IKBKB: variants seen among roughly 807,000 people sequenced by gnomAD.
IKBKB encodes inhibitor of nuclear factor kappa-B kinase subunit beta.
A neutral mutation model predicts 113.6 loss-of-function variants in IKBKB; 42 were observed. The observed-to-expected ratio is 0.37, with a 90% CI of 0.29 to 0.48. The LOEUF (loss-of-function observed/expected upper bound fraction) is 0.48. IKBKB is among the 20% of genes least tolerant of loss of function. The pLI, the probability that IKBKB is intolerant of heterozygous loss-of-function variation, is 0.99. For missense variants in IKBKB, 673 were observed against 939.7 expected, an observed-to-expected ratio of 0.72 and a Z score of 3.71; for synonymous variants, 296 against 361.3, an observed-to-expected ratio of 0.82 and a Z score of 2.05.
At chr8:42,324,340 C>T (rs910401666) in intron 19 of IKBKB, among the ~76,000 whole-genome samples, 12 of 152,196 alleles carry the variant, frequency 7.9e-5, no homozygotes, top group Non-Finnish European at 1.2e-4. Flanking sequence ...TCTCAGTTCA[C>T]TGCAACCTCC....
At chr8:42,317,857 G>C in intron 12 of IKBKB, 86 bp downstream of exon 12, 2 of 945,272 alleles carry the variant, frequency 2.1e-6, no homozygotes, top group Non-Finnish European at 3.4e-6. Context: ...ACTAAGGAAG[G>C]GGGAGCCACG....
At position 42,318,637 on chromosome 8, in the gene IKBKB, A is replaced by G; in HGVS notation, c.1326A>G (p.Glu442=). 6.2e-7 allele frequency: 1 copy of G among 1,613,728 alleles called. No individual in the cohort carries two copies. The highest frequency in any genetic ancestry group is 8.5e-7 in the Non-Finnish European group (1 of 1,179,658). Residue 442 remains glutamate, a synonymous_variant, in exon 13 of 22, where the codon GAA becomes GAG. Coordinates refer to ENST00000520810, the MANE Select transcript of IKBKB (RefSeq NM_001556.3). ...GGCACAGCATCCAGACCCTGAAGGA[A>G]GATTGCAACCGGCTGCAGCAGGGAC... The part of the protein sequence containing the change: ...QVWHSIQTLK[E]DCNRLQQGQR...
intron 19 of IKBKB, among the ~76,000 whole-genome samples, chr8:42,324,126 G>C (rs935869379): frequency 4.6e-5 from 7 of 152,230 alleles, no homozygotes; most frequent in Non-Finnish European, 5.9e-5. Context: ...TTCCAGGACA[G>C]AGACACTGCT....
At position 42,271,417 on chromosome 8, in the gene IKBKB, C is replaced by A; in HGVS notation, c.-71C>A. On this transcript the variant is annotated 5_prime_UTR_variant, in exon 1 of 22. Transcript: ENST00000520810. ...AGCCCCGGGTTTGGCCGCCCCAGCC[C>A]CGCCTTCCCCGCCCCGGGGAGCCCG... 1 of 1,503,476 alleles carries A rather than the reference C, an allele frequency of 6.7e-7. No homozygotes were observed. The highest frequency in any genetic ancestry group is 8.9e-7 in the Non-Finnish European group (1 of 1,121,342). The allele number at this position is 1,503,476 out of a possible 1,614,324, so 93.1% of individuals were successfully genotyped here.
intron 4 of IKBKB, among the ~76,000 whole-genome samples, chr8:42,292,322 C>T (rs1026449696): frequency 2.0e-5 from 3 of 152,248 alleles, no homozygotes; most frequent in Admixed American, 6.5e-5. Flanking sequence ...AAAGAGCCAA[C>T]GAGCCAGGGA....
chr8:42,295,713 A>G (rs1299246596), intron 5 of IKBKB, among the ~76,000 whole-genome samples: 1 of 151,802 alleles, frequency 6.6e-6, no homozygotes, highest in Non-Finnish European at 1.5e-5. Flanking sequence ...TGACAGAGTG[A>G]GACTCCATCT....
chr8:42,305,279 A>G lies in IKBKB; in HGVS notation c.477+4A>G. The G allele has an allele frequency of 6.3e-7, 1 of 1,599,748 alleles. No individual in the cohort carries two copies. The highest frequency in any genetic ancestry group is 8.6e-7 in the Non-Finnish European group (1 of 1,167,142). On this transcript the variant is annotated splice_donor_region_variant and intron_variant, in intron 6 of 21. Coordinates refer to ENST00000520810, the MANE Select transcript of IKBKB (RefSeq NM_001556.3). ...CCTGCAGCAAGGAGAACAGAGGGTA[A>G]GTGACCTCCTGGGACTGGGAAAGCC...
intron 2 of IKBKB, among the ~76,000 whole-genome samples, chr8:42,283,807 G>A (rs1415978135): frequency 2.6e-5 from 4 of 152,332 alleles, no homozygotes; most frequent in Non-Finnish European, 4.4e-5. Context: ...TTGAAGTTAC[G>A]TTGCTGCAGA....
At chr8:42,280,326 G>A (rs1277839227) in intron 2 of IKBKB, among the ~76,000 whole-genome samples, 1 of 152,122 alleles carries the variant, frequency 6.6e-6, no homozygotes, top group Non-Finnish European at 1.5e-5. Flanking sequence ...ATTGTGTCGG[G>A]ACTCCCTAAG....
intron 2 of IKBKB, among the ~76,000 whole-genome samples, chr8:42,280,259 A>G (rs1190640029): frequency 6.6e-6 from 1 of 152,168 alleles, no homozygotes; most frequent in Non-Finnish European, 1.5e-5. Context: ...GAGCCCCACC[A>G]CAACCTGCTT....
At chr8:42,274,786 GCCCCCCCC>G (rs1224930652) in intron 2 of IKBKB, among the ~76,000 whole-genome samples, 1 of 5,536 alleles carries the variant, frequency 1.8e-4, no homozygotes, top group Non-Finnish European at 3.1e-4. Context: ...CCGCCGGCGC[GCCCCCCCC>G]CCCCCCCGCC....
At chr8:42,308,160 C>CATCATTTTCCTTT (rs1816911751) in intron 7 of IKBKB, among the ~76,000 whole-genome samples, 1 of 152,188 alleles carries the variant, frequency 6.6e-6, no homozygotes, top group African/African-American at 2.4e-5. Flanking sequence ...GACAGCCTGG[C>CATCATTTTCCTTT]ATCATTTTCC....
chr8:42,291,029 G>T (rs1283898271), intron 4 of IKBKB, among the ~76,000 whole-genome samples: 1 of 152,194 alleles, frequency 6.6e-6, no homozygotes, highest in Non-Finnish European at 1.5e-5. Flanking sequence ...CCCACATGAT[G>T]GGTGGATGTC....
chr8:42,324,464 C>G (rs894648935), intron 19 of IKBKB, among the ~76,000 whole-genome samples: 3 of 152,100 alleles, frequency 2.0e-5, no homozygotes, highest in African/African-American at 7.2e-5. Context: ...GGGGTTTCAC[C>G]ATGTTGGCCA....
intron 5 of IKBKB, among the ~76,000 whole-genome samples, chr8:42,296,690 A>G (rs1813911038): frequency 6.6e-6 from 1 of 152,106 alleles, no homozygotes; most frequent in African/African-American, 2.4e-5. Flanking sequence ...AATAAATCCT[A>G]AAGGAAATTA....
chr8:42,316,311 A>G lies in IKBKB; in HGVS notation c.902A>G (p.Lys301Arg), dbSNP rs1304501516. 1.9e-6 allele frequency: 3 copies of G among 1,614,074 alleles called. No individual in the cohort carries two copies. The highest frequency in any genetic ancestry group is 1.7e-5 in the Admixed American group (1 of 60,008). The change falls in exon 10 of 22, where the codon AAG (lysine) becomes AGG (arginine). Residue 301 changes from lysine to arginine, a missense_variant. Physicochemically the swap from Lys to Arg is conservative, Grantham distance 26 (BLOSUM62 2). Around this residue, in one of 2 missense-constraint regions of IKBKB, gnomAD observed 506 missense variants for 638.7 expected, o/e 0.79. Coordinates refer to ENST00000520810, the MANE Select transcript of IKBKB (RefSeq NM_001556.3). This position sits in a 1 kb window ranked among gnomAD's most constrained non-coding sequence, Gnocchi z 4.5. Reference protein sequence around the residue: ...DPTYGPNGCFKALDDILNLKL... With the variant: ...DPTYGPNGCFRALDDILNLKL... ...ACGTATGGGCCCAATGGCTGCTTCA[A>G]GGCCCTGGATGACATCTTAAACTTA...
chr8:42,304,434 CA>C (rs1326636365), intron 5 of IKBKB, among the ~76,000 whole-genome samples: 1 of 152,202 alleles, frequency 6.6e-6, no homozygotes, highest in African/African-American at 2.4e-5. Context: ...CTCCTCACAG[CA>C]GAAGCTCTTG....
intron 19 of IKBKB, among the ~76,000 whole-genome samples, chr8:42,324,278 T>C (rs1331813148): frequency 6.6e-6 from 1 of 152,116 alleles, no homozygotes; most frequent in Non-Finnish European, 1.5e-5. Flanking sequence ...TTTTCTTTTT[T>C]TTTCGAGACA....
At position 42,322,391 on chromosome 8, in the gene IKBKB, A is replaced by C; in HGVS notation, c.1883A>C (p.Lys628Thr). Residue 628 changes from lysine to threonine, a missense_variant, in exon 19 of 22, where the codon AAG becomes ACG. Around this residue, in one of 2 missense-constraint regions of IKBKB, gnomAD observed 506 missense variants for 638.7 expected, o/e 0.79. Coordinates refer to ENST00000520810, the MANE Select transcript of IKBKB (RefSeq NM_001556.3). The stretch of plus-strand genomic sequence containing the variant: ...CAGAAGGCGCTGGAACTGTTGCCCA[A>C]GGTGGAAGAGGTGGTGAGCTTAATG... ...CKQKALELLP[K>T]VEEVVSLMNE... 6.2e-7 allele frequency: 1 copy of C among 1,613,928 alleles called. No individual in the cohort carries two copies. Among genetic ancestry groups the C allele is most frequent in the Non-Finnish European group, 8.5e-7 (1 of 1,180,004 alleles).
Sources: gnomAD v4.1 joint callset for allele counts (sites outside exome capture counted in the v4.1 genomes callset) on GRCh38, gnomAD v4.1.1 for gene constraint, gnomAD v4.1.1 regional missense constraint, Gnocchi (gnomAD v3.1) non-coding constraint, MANE v1.5 for transcripts, NCBI Gene and HGNC (gene_info 2026-07-23, HGNC 2026-07-21) for gene names.